CADPS: variants seen among roughly 807,000 people sequenced by gnomAD.
CADPS encodes the protein calcium dependent secretion activator, also known as calcium-dependent secretion activator 1.
A neutral mutation model predicts 167.3 loss-of-function variants in CADPS; 57 were observed. The observed-to-expected ratio is 0.34, with a 90% CI of 0.28 to 0.42. CADPS has a LOEUF of 0.42. CADPS is among the 20% of genes least tolerant of loss of function. CADPS has a pLI of 1.00. For synonymous variants in CADPS, 676 were observed against 635.3 expected (o/e 1.06, Z -0.96); for missense variants, 1,414 against 1,738.1 (o/e 0.81, Z 3.32).
At chr3:62,712,296 TGCC>T (rs1377135502) in intron 3 of CADPS, among the ~76,000 whole-genome samples, 1 of 152,186 alleles carries the variant, frequency 6.6e-6, no homozygotes, top group African/African-American at 2.4e-5. Context: ...CCAGAAAGAC[TGCC>T]TGTTTCTATT....
At chr3:62,507,778 T>C (rs757503482) in intron 17 of CADPS, among the ~76,000 whole-genome samples, 3 of 152,202 alleles carry the variant, frequency 2.0e-5, no homozygotes, top group Non-Finnish European at 4.4e-5. Context: ...ATTTCTGAAA[T>C]CAAATGATAT....
In CADPS at chr3:62,434,755, G is replaced by A. The variant is rs142577220; in HGVS notation, c.3777+3349C>T. On this transcript the variant is annotated intron_variant, in intron 28 of 29. Coordinates refer to ENST00000383710, the MANE Select transcript of CADPS (RefSeq NM_003716.4). ...GCCTAGTTAAAGCAGAAAATGCACCGTTAAATGACCAGCTATTAATCCAAA... is the reference window on the plus strand; with the variant it reads ...GCCTAGTTAAAGCAGAAAATGCACCATTAAATGACCAGCTATTAATCCAAA... Among the ~76,000 whole-genome samples, 421 of 152,250 alleles carry A rather than the reference G, an allele frequency of 2.8e-3. 2 individuals are homozygous for A. Among genetic ancestry groups the A allele is most frequent in the African/African-American group, 9.4e-3 (390 of 41,550 alleles).
chr3:62,741,195 A>G (rs780556358), intron 3 of CADPS, among the ~76,000 whole-genome samples: 13 of 152,202 alleles, frequency 8.5e-5, no homozygotes, highest in Non-Finnish European at 1.8e-4. Flanking sequence ...TCCCAGCTGT[A>G]CAAGGAAGAG....
chr3:62,592,563 G>A, intron 7 of CADPS, 74 bp downstream of exon 7: 15 of 1,083,418 alleles, frequency 1.4e-5, no homozygotes, highest in Non-Finnish European at 2.0e-5. Flanking sequence ...GCTGCCTCTT[G>A]GTGACCTGTG....
intron 3 of CADPS, among the ~76,000 whole-genome samples, chr3:62,664,570 A>T (rs140286867): frequency 1.6e-3 from 242 of 152,360 alleles, no homozygotes; most frequent in African/African-American, 5.6e-3. Flanking sequence ...CTTCAGCTCT[A>T]AGTGCAAATC....
At chr3:62,657,461 G>A (rs1225224870) in intron 4 of CADPS, among the ~76,000 whole-genome samples, 2 of 152,160 alleles carry the variant, frequency 1.3e-5, no homozygotes, top group African/African-American at 4.8e-5. Context: ...GCCACAATCT[G>A]TCTGCTTAAG....
At chr3:62,873,066 T>C (rs1359317238) in intron 1 of CADPS, among the ~76,000 whole-genome samples, 2 of 152,176 alleles carry the variant, frequency 1.3e-5, no homozygotes, top group Admixed American at 6.5e-5. Context: ...CAGTCAAAAA[T>C]ACGAATTGAA....
intron 3 of CADPS, among the ~76,000 whole-genome samples, chr3:62,742,992 C>A (rs6764901): frequency 0.15 from 23,267 of 152,120 alleles, 2,340 homozygotes; most frequent in African/African-American, 0.29. Context: ...CAAAAGAAGA[C>A]ATACATGCAG....
At chr3:62,477,222 A>T (rs2061430807) in intron 23 of CADPS, among the ~76,000 whole-genome samples, 1 of 152,126 alleles carries the variant, frequency 6.6e-6, no homozygotes, top group Admixed American at 6.5e-5. Context: ...GAACTTCCAG[A>T]CAAACCCGGC....
At chr3:62,783,870 T>TAA (rs10634239) in intron 1 of CADPS, among the ~76,000 whole-genome samples, 114,236 of 151,950 alleles carry the variant, frequency 0.75, 43,224 homozygotes, top group East Asian at 0.95. Flanking sequence ...ATTATTTATC[T>TAA]GAGAGAAGGA....
intron 1 of CADPS, among the ~76,000 whole-genome samples, chr3:62,865,275 G>C (rs1017877745): frequency 1.3e-5 from 2 of 150,764 alleles, no homozygotes; most frequent in Non-Finnish European, 1.5e-5. Context: ...AGGCATAGTA[G>C]ATTCTCTGGA....
chr3:62,797,131 G>A (rs991784413), intron 1 of CADPS, among the ~76,000 whole-genome samples: 7 of 152,106 alleles, frequency 4.6e-5, no homozygotes, highest in African/African-American at 1.7e-4. Flanking sequence ...GTTTTCTCCT[G>A]GAAAATCAGT....
At chr3:62,708,577 A>C (rs2082762644) in intron 3 of CADPS, among the ~76,000 whole-genome samples, 1 of 151,972 alleles carries the variant, frequency 6.6e-6, no homozygotes, top group Non-Finnish European at 1.5e-5. Context: ...GCCCTGCTTC[A>C]TTTTCATGAG....
At chr3:62,630,395 C>T (rs2065053195) in intron 6 of CADPS, among the ~76,000 whole-genome samples, 1 of 152,178 alleles carries the variant, frequency 6.6e-6, no homozygotes, top group South Asian at 2.1e-4. Flanking sequence ...AGCTGGAGTG[C>T]AGTGGTGAGA....
At chr3:62,840,630 T>A (rs1269410861) in intron 1 of CADPS, among the ~76,000 whole-genome samples, 2 of 152,120 alleles carry the variant, frequency 1.3e-5, no homozygotes, top group African/African-American at 4.8e-5. Context: ...CTTTCATATG[T>A]ACAGATGGGA....
chr3:62,675,853 T>A (rs2076258558), intron 3 of CADPS, among the ~76,000 whole-genome samples: 1 of 152,124 alleles, frequency 6.6e-6, no homozygotes, highest in Admixed American at 6.6e-5. Context: ...ATGTTGCCCT[T>A]TCATATTTGC....
At position 62,433,271 on chromosome 3, in the gene CADPS, CA is replaced by C. The variant is rs1424635692; in HGVS notation, c.3777+4832del. ...AATTACCCTTTTCAAGGGAACTAGT[CA>C]CACTCAATTATTGTTCTGCCACACA... On this transcript the variant is annotated intron_variant, in intron 28 of 29. Transcript: ENST00000383710. The surrounding 1 kb of genome is among the most constrained non-coding windows in gnomAD (Gnocchi z 4.7). Among the ~76,000 whole-genome samples, 1 of 152,168 alleles carries C rather than the reference CA, an allele frequency of 6.6e-6. No individual in the cohort carries two copies. The highest frequency in any genetic ancestry group is 1.5e-5 in the Non-Finnish European group (1 of 68,038).
chr3:62,507,660 A>G (rs1021788769), intron 17 of CADPS, among the ~76,000 whole-genome samples: 2 of 152,184 alleles, frequency 1.3e-5, no homozygotes, highest in Non-Finnish European at 2.9e-5. Flanking sequence ...TTAAGAATGC[A>G]TATTCCCAGG....
At chr3:62,782,489 C>A (rs1161491946) in intron 1 of CADPS, among the ~76,000 whole-genome samples, 1 of 152,110 alleles carries the variant, frequency 6.6e-6, no homozygotes, top group Admixed American at 6.5e-5. Flanking sequence ...AGTTCACGCC[C>A]AACACTTTAC....
Sources: allele counts gnomAD v4.1 joint callset (sites outside exome capture counted in the v4.1 genomes callset), GRCh38; gene constraint gnomAD v4.1.1; non-coding constraint Gnocchi (gnomAD v3.1); transcripts MANE v1.5; gene names NCBI Gene and HGNC (gene_info 2026-07-23, HGNC 2026-07-21).